The following PAPOLG variants were observed in gnomAD, a reference collection of about 807,000 sequenced individuals.
PAPOLG encodes the protein poly(A) polymerase gamma.
PAPOLG carries 40 observed loss-of-function variants against 99.0 expected under a neutral mutation model. That is an observed-to-expected ratio of 0.40 (90% CI 0.31 to 0.53). PAPOLG has a LOEUF of 0.53. PAPOLG is among the 20% of genes least tolerant of loss of function. The probability of loss-of-function intolerance (pLI) is 0.41; values close to 1 mark genes in which losing one functional copy is unlikely to be tolerated. For synonymous variants in PAPOLG, 310 were observed against 299.3 expected, an observed-to-expected ratio of 1.04 and a Z score of -0.37; for missense variants, 675 against 884.1, an observed-to-expected ratio of 0.76 and a Z score of 3.00.
intron 3 of PAPOLG, among the ~76,000 whole-genome samples, chr2:60,768,135 T>A (rs1393513777): frequency 6.6e-6 from 1 of 152,208 alleles, no homozygotes; most frequent in African/African-American, 2.4e-5. Flanking sequence ...AGAGTTTCAC[T>A]CTTGTTCCCC....
intron 2 of PAPOLG, among the ~76,000 whole-genome samples, chr2:60,761,171 G>T (rs998726055): frequency 6.6e-6 from 1 of 152,166 alleles, no homozygotes; most frequent in Admixed American, 6.6e-5. Context: ...TGAGGAAGAA[G>T]TAAGTTTGGA....
Position 60,791,763 on chromosome 2 carries a change from T to C in PAPOLG, c.1399T>C (p.Tyr467His), listed in dbSNP as rs1671542720. ...YDIQSFTDTV[Y>H]RQANNINMLK... ...TTAACATATTAACATTGTTACAGTG[T>C]ACAGACAGGCAAACAATATAAATAT... is the stretch of plus-strand genomic sequence containing the variant. Residue 467 changes from tyrosine (Y) to histidine (H), a missense_variant and splice_region_variant, in exon 16 of 22, where the codon TAC becomes CAC. Tyr to His is a moderately conservative substitution (Grantham distance 83). Around this residue, in one of 3 missense-constraint regions of PAPOLG, gnomAD observed 413 missense variants for 460.5 expected, o/e 0.90. Coordinates refer to ENST00000238714, the MANE Select transcript of PAPOLG (RefSeq NM_022894.4). The C allele has an allele frequency of 6.2e-7, 1 of 1,610,186 alleles. No homozygotes were observed. The highest frequency in any genetic ancestry group is 1.1e-5 in the South Asian group (1 of 90,698).
intron 2 of PAPOLG, among the ~76,000 whole-genome samples, chr2:60,761,059 A>G (rs1558673810): frequency 6.6e-6 from 1 of 152,178 alleles, no homozygotes; most frequent in African/African-American, 2.4e-5. Context: ...TAGGGTTCTT[A>G]GGGTTTAATG....
chr2:60,795,154 G>C, intron 21 of PAPOLG, 134 bp downstream of exon 21: 2 of 743,280 alleles, frequency 2.7e-6, no homozygotes, highest in Non-Finnish European at 4.6e-6. Flanking sequence ...AGGACTAGCA[G>C]TGTAGTTGGG....
At chr2:60,787,449 G>T in intron 14 of PAPOLG, 62 bp from the exon 15 acceptor site, 3 of 1,514,508 alleles carry the variant, frequency 2.0e-6, no homozygotes, top group African/African-American at 2.8e-5. Flanking sequence ...TTATGAAATA[G>T]CATCTGTAAA....
intron 11 of PAPOLG, 31 bp from the exon 12 acceptor site, chr2:60,782,655 T>A: frequency 2.0e-5 from 7 of 351,070 alleles, no homozygotes; most frequent in Admixed American, 6.4e-5. Flanking sequence ...TTCTTCTTCT[T>A]TTTTTTTTTT....
At chr2:60,795,195 G>A in intron 21 of PAPOLG, 175 bp downstream of exon 21, 2 of 661,698 alleles carry the variant, frequency 3.0e-6, no homozygotes, top group Non-Finnish European at 2.7e-6. Context: ...AGTTCTGAAT[G>A]TATGTACCTC....
At chr2:60,783,483 G>C (rs1671259919) in intron 13 of PAPOLG, among the ~76,000 whole-genome samples, 1 of 130,604 alleles carries the variant, frequency 7.7e-6, no homozygotes, top group African/African-American at 2.8e-5. Context: ...TTACAGGCCT[G>C]AGCCACTTTA....
At chr2:60,768,423 C>G in intron 3 of PAPOLG, 47 bp from the exon 4 acceptor site, 1 of 1,594,960 alleles carries the variant, frequency 6.3e-7, no homozygotes, top group Non-Finnish European at 8.6e-7. Flanking sequence ...GACTTTTATG[C>G]TAAATAATTT....
chr2:60,770,538 T>C (rs768351810), intron 6 of PAPOLG, 27 bp downstream of exon 6: 1 of 1,440,396 alleles, frequency 6.9e-7, no homozygotes, highest in Non-Finnish European at 9.6e-7. Flanking sequence ...TTTCTGACTT[T>C]ACAATTGAAC....
chr2:60,799,272 T>C lies in PAPOLG; in HGVS notation c.*2112T>C, dbSNP rs1056723819. 1.3e-5 allele frequency: 2 copies of C among 152,382 alleles called. No homozygotes were observed. Among genetic ancestry groups the C allele is most frequent in the African/African-American group, 4.8e-5 (2 of 41,466 alleles). 9.4% of individuals were successfully genotyped at this position (152,382 alleles called of 1,614,324 possible). A position where few individuals can be genotyped will look rare whatever the true frequency, so the allele number is the denominator to read the frequency against. ...GATCTTTGGAGTGACTAGTGGAGTT[T>C]TTCTTTAATAAGGAAGCAACAAGTC... is the stretch of plus-strand genomic sequence containing the variant. On this transcript the variant is annotated 3_prime_UTR_variant, in exon 22 of 22. Coordinates refer to ENST00000238714, the MANE Select transcript of PAPOLG (RefSeq NM_022894.4).
At chr2:60,763,406 C>A (rs1285883773) in intron 3 of PAPOLG, among the ~76,000 whole-genome samples, 1 of 151,960 alleles carries the variant, frequency 6.6e-6, no homozygotes, top group African/African-American at 2.4e-5. Context: ...TTTTTTATGG[C>A]TTTTTCCCCC....
chr2:60,794,313 A>T, intron 19 of PAPOLG, 122 bp downstream of exon 19: 1 of 1,005,828 alleles, frequency 9.9e-7, no homozygotes, highest in South Asian at 1.8e-5. Context: ...TATTTACCCA[A>T]ATCTTAAAGA....
intron 8 of PAPOLG, among the ~76,000 whole-genome samples, chr2:60,777,545 C>T (rs1039235742): frequency 1.3e-5 from 2 of 152,134 alleles, no homozygotes; most frequent in Non-Finnish European, 1.5e-5. Context: ...CTTGTAATTT[C>T]TGTCAATAAC....
At chr2:60,773,412 T>G (rs1670915520) in intron 7 of PAPOLG, among the ~76,000 whole-genome samples, 1 of 152,226 alleles carries the variant, frequency 6.6e-6, no homozygotes, top group South Asian at 2.1e-4. Context: ...ATGTGGTCTT[T>G]TGCGTAAGGG....
intron 1 of PAPOLG, among the ~76,000 whole-genome samples, chr2:60,759,632 A>ATTG (rs1192329336): frequency 6.6e-6 from 1 of 152,218 alleles, no homozygotes; most frequent in Non-Finnish European, 1.5e-5. Context: ...GACAAATCTA[A>ATTG]TTGTGATTTC....
At chr2:60,756,581 C>T (rs1212754170) in intron 1 of PAPOLG, 86 bp downstream of exon 1, 31 of 1,377,052 alleles carry the variant, frequency 2.3e-5, no homozygotes, top group Non-Finnish European at 2.8e-5. Flanking sequence ...CGTTCCCTGT[C>T]CCTTGCGCCC....
rs1671822317 is a variant in PAPOLG at position 60,800,884 on chromosome 2, T to G, written c.*3724T>G. 6.6e-6 allele frequency: 1 copy of G among 152,360 alleles called. No individual in the cohort carries two copies. The highest frequency in any genetic ancestry group is 2.4e-5 in the African/African-American group (1 of 41,456). 9.4% of individuals were successfully genotyped at this position (152,360 alleles called of 1,614,324 possible). A position where few individuals can be genotyped will look rare whatever the true frequency, so the allele number is the denominator to read the frequency against. On this transcript the variant is annotated 3_prime_UTR_variant, in exon 22 of 22. Coordinates refer to ENST00000238714, the MANE Select transcript of PAPOLG (RefSeq NM_022894.4). Reference sequence around the variant, plus strand: ...TTGCTGTGGTATATTTCTGAAAATGTGCTGTGGCTCCTAACTAGTAAAATG... The same window carrying G: ...TTGCTGTGGTATATTTCTGAAAATGGGCTGTGGCTCCTAACTAGTAAAATG...
At chr2:60,760,447 G>T in intron 2 of PAPOLG, 152 bp downstream of exon 2, 1 of 672,134 alleles carries the variant, frequency 1.5e-6, no homozygotes, top group African/African-American at 1.8e-5. Flanking sequence ...TTTTAGGTAG[G>T]GGTTAGAAGA....
Sources: allele counts gnomAD v4.1 joint callset (sites outside exome capture counted in the v4.1 genomes callset), GRCh38; gene constraint gnomAD v4.1.1; regional missense constraint gnomAD v4.1.1; transcripts MANE v1.5; gene names NCBI Gene and HGNC (gene_info 2026-07-23, HGNC 2026-07-21).